Variants in NRG3 observed in about 807,000 individuals in gnomAD.
The protein encoded by NRG3 is neuregulin 3, also known as pro-neuregulin-3, membrane-bound isoform.
Under a neutral mutation model 66.9 loss-of-function variants are expected in NRG3, and 31 were observed. The ratio of observed to expected loss-of-function variants is 0.46; its 90% CI spans 0.35 to 0.63. NRG3 has a LOEUF of 0.63. Ranked by LOEUF, NRG3 falls within the 20% of genes least tolerant of loss-of-function variation. NRG3 has a pLI of 0.00. For missense variants in NRG3, 910 were observed against 878.9 expected (o/e 1.04, Z -0.45); for synonymous variants, 393 against 359.4 (o/e 1.09, Z -1.06).
At chr10:82,112,385 C>CT (rs1234734801) in intron 1 of NRG3, among the ~76,000 whole-genome samples, 4 of 152,038 alleles carry the variant, frequency 2.6e-5, no homozygotes, top group Non-Finnish European at 5.9e-5. Context: ...TGGGGTTATT[C>CT]TTTTTTTAGG....
At chr10:82,262,413 A>G (rs1475436926) in intron 1 of NRG3, among the ~76,000 whole-genome samples, 1 of 152,208 alleles carries the variant, frequency 6.6e-6, no homozygotes, top group East Asian at 1.9e-4. Flanking sequence ...TTTTGTATCT[A>G]GAGAGATTTA....
intron 2 of NRG3, among the ~76,000 whole-genome samples, chr10:82,546,868 A>G (rs945256774): frequency 2.6e-5 from 4 of 152,188 alleles, no homozygotes; most frequent in Non-Finnish European, 5.9e-5. Context: ...TCATAGTAAG[A>G]TTGAAGAATT....
At chr10:82,011,893 G>C (rs752849066) in intron 1 of NRG3, among the ~76,000 whole-genome samples, 11 of 152,132 alleles carry the variant, frequency 7.2e-5, no homozygotes, top group Non-Finnish European at 8.8e-5. Context: ...CTGGTGTTGA[G>C]TGTCTGTGTC....
chr10:82,780,310 T>C (rs1405102296), intron 3 of NRG3, among the ~76,000 whole-genome samples: 1 of 152,172 alleles, frequency 6.6e-6, no homozygotes, highest in African/African-American at 2.4e-5. Flanking sequence ...TCTTCCACAA[T>C]GGTTGAACTA....
intron 1 of NRG3, among the ~76,000 whole-genome samples, chr10:82,313,120 G>C (rs889545059): frequency 4.6e-5 from 7 of 152,114 alleles, no homozygotes; most frequent in African/African-American, 1.7e-4. Flanking sequence ...AGAGGTTGCA[G>C]TGAACCGAGG....
At chr10:82,971,193 T>C (rs1851691028) in intron 6 of NRG3, among the ~76,000 whole-genome samples, 1 of 152,130 alleles carries the variant, frequency 6.6e-6, no homozygotes, top group Non-Finnish European at 1.5e-5. Flanking sequence ...TCAACCCCCA[T>C]GACCCAGACA....
intron 4 of NRG3, among the ~76,000 whole-genome samples, chr10:82,913,551 A>C (rs1397575975): frequency 6.6e-6 from 1 of 152,090 alleles, no homozygotes; most frequent in Non-Finnish European, 1.5e-5. Context: ...TTGTAGATTA[A>C]ATTTCACTGG....
chr10:82,900,555 A>T (rs1844118839), intron 4 of NRG3, among the ~76,000 whole-genome samples: 1 of 152,216 alleles, frequency 6.6e-6, no homozygotes. Flanking sequence ...ATTCCTTGAC[A>T]AATACTAATA....
At chr10:81,918,724 T>A (rs1845936318) in intron 1 of NRG3, among the ~76,000 whole-genome samples, 1 of 152,128 alleles carries the variant, frequency 6.6e-6, no homozygotes, top group South Asian at 2.1e-4. Flanking sequence ...GCTGTATTAT[T>A]TTATTTTACT....
At chr10:82,559,547 G>GTTGTT (rs2044886912) in intron 2 of NRG3, among the ~76,000 whole-genome samples, 2 of 152,148 alleles carry the variant, frequency 1.3e-5, no homozygotes, top group Admixed American at 1.3e-4. Context: ...GTATGAACAA[G>GTTGTT]GGTTGGACCC....
intron 1 of NRG3, among the ~76,000 whole-genome samples, chr10:82,159,921 T>G (rs536177551): frequency 9.2e-5 from 14 of 151,940 alleles, no homozygotes; most frequent in Non-Finnish European, 1.8e-4. Context: ...AGTCCTGGAA[T>G]GAATGGAGCA....
chr10:82,245,008 G>A (rs919733517), intron 1 of NRG3, among the ~76,000 whole-genome samples: 1 of 152,106 alleles, frequency 6.6e-6, no homozygotes, highest in Admixed American at 6.5e-5. Context: ...AGGATTACAG[G>A]TGTGAGCCAC....
At chr10:82,167,459 G>A (rs1203011174) in intron 1 of NRG3, among the ~76,000 whole-genome samples, 1 of 152,072 alleles carries the variant, frequency 6.6e-6, no homozygotes, top group East Asian at 1.9e-4. Context: ...ATCCAAAGGG[G>A]CAGGGTGATG....
chr10:82,183,530 C>T (rs750481717), intron 1 of NRG3, among the ~76,000 whole-genome samples: 1 of 151,870 alleles, frequency 6.6e-6, no homozygotes, highest in Non-Finnish European at 1.5e-5. Flanking sequence ...GTCTGCGGAC[C>T]ACATACTGAG....
rs180690038 is a variant in NRG3 at position 82,461,058 on chromosome 10, T to C, written c.953+102190T>C. On this transcript the variant is annotated intron_variant, in intron 2 of 8. Coordinates refer to ENST00000372141, the MANE Select transcript of NRG3 (RefSeq NM_001010848.4). ...ACGACTGCTACCACCGTCAACAATA[T>C]CAGCACTACCGCCACCATCAACAAT... 1.1e-3 allele frequency among the ~76,000 whole-genome samples: 165 copies of C among 151,844 alleles called. 1 individual carries two copies. The highest frequency in any genetic ancestry group is 2.0e-3 in the Admixed American group (31 of 15,236).
intron 1 of NRG3, among the ~76,000 whole-genome samples, chr10:82,321,387 C>A (rs2081572373): frequency 6.6e-6 from 1 of 152,036 alleles, no homozygotes; most frequent in Admixed American, 6.6e-5. Context: ...TGTACCAAAA[C>A]CTGCGTTGAG....
chr10:82,050,053 C>T (rs2063517742), intron 1 of NRG3, among the ~76,000 whole-genome samples: 1 of 151,966 alleles, frequency 6.6e-6, no homozygotes, highest in African/African-American at 2.4e-5. Flanking sequence ...CCAGTGTTTT[C>T]TCTGAAACTT....
In NRG3 at chr10:82,419,169, A is replaced by G. The variant is rs143043241; in HGVS notation, c.953+60301A>G. On this transcript the variant is annotated intron_variant, in intron 2 of 8. Transcript: ENST00000372141. The stretch of plus-strand genomic sequence containing the variant: ...TACCCTGAGCTTAGTGAAATTAACT[A>G]TTTTCACAAAATGGAAATCCATTAA... Among the ~76,000 whole-genome samples the G allele has an allele frequency of 7.5e-3, 1,148 of 152,294 alleles. 8 individuals carry two copies. The highest frequency in any genetic ancestry group is 0.061 in the Middle Eastern group (18 of 294).
At chr10:82,298,164 G>T (rs768817820) in intron 1 of NRG3, among the ~76,000 whole-genome samples, 1 of 146,198 alleles carries the variant, frequency 6.8e-6, no homozygotes, top group African/African-American at 2.5e-5. Flanking sequence ...GAAAGAAAGA[G>T]AGAGGGAGAG....
Sources: allele counts gnomAD v4.1 joint callset (sites outside exome capture counted in the v4.1 genomes callset), GRCh38; gene constraint gnomAD v4.1.1; transcripts MANE v1.5; gene names NCBI Gene and HGNC (gene_info 2026-07-23, HGNC 2026-07-21).